ELF1: variants seen among roughly 807,000 people sequenced by gnomAD.
ELF1 encodes the protein ETS-related transcription factor Elf-1.
Under a neutral mutation model 59.9 loss-of-function variants are expected in ELF1, and 24 were observed. That is an observed-to-expected ratio of 0.40 (90% CI 0.29 to 0.56). The LOEUF (loss-of-function observed/expected upper bound fraction) is 0.56. Ranked by LOEUF, ELF1 falls within the 20% of genes least tolerant of loss-of-function variation. The pLI, the probability that ELF1 is intolerant of heterozygous loss-of-function variation, is 0.44. For synonymous variants in ELF1, 248 were observed against 266.2 expected (o/e 0.93, Z 0.67); for missense variants, 627 against 742.2 (o/e 0.84, Z 1.80).
intron 1 of ELF1, among the ~76,000 whole-genome samples, chr13:40,991,582 C>T (rs7986960): frequency 0.16 from 23,483 of 151,074 alleles, 2,221 homozygotes; most frequent in East Asian, 0.33. Flanking sequence ...TGGCCCGTTA[C>T]CACCTTTTAT....
chr13:41,042,776 C>A (rs1039038442), intron 1 of ELF1, among the ~76,000 whole-genome samples: 1 of 152,178 alleles, frequency 6.6e-6, no homozygotes, highest in Non-Finnish European at 1.5e-5. Flanking sequence ...CATACATGTG[C>A]ATGTGTCTTT....
intron 3 of ELF1, among the ~76,000 whole-genome samples, chr13:40,956,545 C>G (rs1277239143): frequency 2.0e-5 from 3 of 146,564 alleles, no homozygotes; most frequent in African/African-American, 7.6e-5. Context: ...CCAAATCCCC[C>G]TCTGCGAGAA....
chr13:41,054,928 A>G (rs921702291), intron 1 of ELF1, among the ~76,000 whole-genome samples: 1 of 152,242 alleles, frequency 6.6e-6, no homozygotes, highest in Non-Finnish European at 1.5e-5. Context: ...GAGGCTTCCA[A>G]AATCTCCTTG....
chr13:41,029,805 C>A (rs1876092956), intron 1 of ELF1, among the ~76,000 whole-genome samples: 1 of 152,104 alleles, frequency 6.6e-6, no homozygotes, highest in African/African-American at 2.4e-5. Flanking sequence ...GGAGCTGGGG[C>A]GCCCTCCTTC....
At chr13:40,998,563 T>C (rs1468165820) in intron 1 of ELF1, among the ~76,000 whole-genome samples, 4 of 152,240 alleles carry the variant, frequency 2.6e-5, no homozygotes, top group African/African-American at 7.2e-5. Context: ...TGCCTGTATG[T>C]GGTATTTATA....
chr13:40,952,860 A>G (rs1031720807), intron 3 of ELF1, among the ~76,000 whole-genome samples: 2 of 150,438 alleles, frequency 1.3e-5, no homozygotes. Flanking sequence ...CCCTCTGTAC[A>G]GGATTATTTT....
intron 8 of ELF1, among the ~76,000 whole-genome samples, chr13:40,937,258 T>C (rs1426409957): frequency 6.6e-6 from 1 of 152,212 alleles, no homozygotes; most frequent in African/African-American, 2.4e-5. Context: ...TGGAAAAATA[T>C]TGCTAATTTA....
intron 1 of ELF1, among the ~76,000 whole-genome samples, chr13:41,035,727 GAAAAAA>G (rs11366083): frequency 1.0e-5 from 1 of 100,068 alleles, no homozygotes; most frequent in Non-Finnish European, 2.0e-5. Context: ...AGAACAAAAA[GAAAAAA>G]AAAAAAAAAG....
At chr13:41,036,167 C>T (rs944480688) in intron 1 of ELF1, among the ~76,000 whole-genome samples, 5 of 151,914 alleles carry the variant, frequency 3.3e-5, no homozygotes, top group African/African-American at 4.8e-5. Context: ...CCACCCGTCT[C>T]GGCCTCCCAA....
intron 5 of ELF1, among the ~76,000 whole-genome samples, chr13:40,947,934 A>T (rs1870604751): frequency 6.6e-6 from 1 of 152,230 alleles, no homozygotes; most frequent in African/African-American, 2.4e-5. Context: ...TAAGGCTATT[A>T]AAAAAGACTA....
At chr13:41,055,952 AAG>A (rs1156808021) in intron 1 of ELF1, among the ~76,000 whole-genome samples, 1 of 152,240 alleles carries the variant, frequency 6.6e-6, no homozygotes, top group Non-Finnish European at 1.5e-5. Flanking sequence ...ATGTAAAATC[AAG>A]AGAGAAAATA....
chr13:40,995,460 C>G (rs1874080798), intron 1 of ELF1, among the ~76,000 whole-genome samples: 1 of 152,058 alleles, frequency 6.6e-6, no homozygotes, highest in Non-Finnish European at 1.5e-5. Context: ...ATGGATTGAG[C>G]TTAAAAATAC....
At chr13:40,961,546 C>T (rs1871821097) in intron 2 of ELF1, among the ~76,000 whole-genome samples, 1 of 151,746 alleles carries the variant, frequency 6.6e-6, no homozygotes, top group Non-Finnish European at 1.5e-5. Context: ...CTGGGCAACA[C>T]AGCAAAACCC....
chr13:40,933,321 C>A lies in ELF1; in HGVS notation c.*104G>T. ...AAATTAACTCTATTTTTAACAATTA[C>A]AAAATTAGAAACCTCCTTAGAATTT... On this transcript the variant is annotated 3_prime_UTR_variant, in exon 9 of 9. Transcript: ENST00000239882. 7.1e-7 allele frequency: 1 copy of A among 1,415,028 alleles called. No individual in the cohort carries two copies. Among genetic ancestry groups the A allele is most frequent in the Non-Finnish European group, 9.4e-7 (1 of 1,061,044 alleles). 87.7% of individuals were successfully genotyped at this position (1,415,028 alleles called of 1,614,324 possible). A position where few individuals can be genotyped will look rare whatever the true frequency, so the allele number is the denominator to read the frequency against.
intron 2 of ELF1, among the ~76,000 whole-genome samples, chr13:40,970,766 T>C (rs968191170): frequency 1.3e-5 from 2 of 152,168 alleles, no homozygotes; most frequent in Non-Finnish European, 2.9e-5. Context: ...GATAAACATG[T>C]GGTTTAATTA....
At chr13:41,009,610 G>T (rs1303579754) in intron 1 of ELF1, among the ~76,000 whole-genome samples, 1 of 152,136 alleles carries the variant, frequency 6.6e-6, no homozygotes, top group East Asian at 1.9e-4. Flanking sequence ...TCCTTTGCTA[G>T]AAAGTTTAAT....
intron 1 of ELF1, among the ~76,000 whole-genome samples, chr13:41,039,768 G>A (rs1876531234): frequency 6.6e-6 from 1 of 152,054 alleles, no homozygotes; most frequent in Admixed American, 6.5e-5. Flanking sequence ...TTAGGTAGTG[G>A]GTGTATGAGT....
intron 3 of ELF1, among the ~76,000 whole-genome samples, chr13:40,952,329 C>T (rs1188879907): frequency 2.0e-5 from 3 of 151,122 alleles, no homozygotes; most frequent in African/African-American, 4.9e-5. Flanking sequence ...ATAATCTAAG[C>T]CTCAAATTTC....
chr13:40,955,789 C>CGTCCGGGAGGTGAGGGGCGCCTCT (rs1445191104), intron 3 of ELF1, among the ~76,000 whole-genome samples: 1 of 52,220 alleles, frequency 1.9e-5, no homozygotes, highest in Non-Finnish European at 3.3e-5. Flanking sequence ...GTCAGCCCCC[C>CGTCCGGGAGGTGAGGGGCGCCTCT]GCCCGGCCAG....
Sources: gnomAD v4.1 joint callset for allele counts (sites outside exome capture counted in the v4.1 genomes callset) on GRCh38, gnomAD v4.1.1 for gene constraint, MANE v1.5 for transcripts, NCBI Gene and HGNC (gene_info 2026-07-23, HGNC 2026-07-21) for gene names.